The following KCNJ3 variants were observed in gnomAD, a reference collection of about 807,000 sequenced individuals.
The protein encoded by KCNJ3 is potassium inwardly rectifying channel subfamily J member 3.
A neutral mutation model predicts 39.2 loss-of-function variants in KCNJ3; 4 were observed. The ratio of observed to expected loss-of-function variants is 0.10; its 90% CI spans 0.05 to 0.23. The LOEUF (loss-of-function observed/expected upper bound fraction) is 0.23. Ranked by LOEUF, KCNJ3 falls within the 10% of genes least tolerant of loss-of-function variation. The pLI is 1.00. For missense variants in KCNJ3, 276 were observed against 634.9 expected (o/e 0.43, Z 6.08); for synonymous variants, 230 against 237.4 (o/e 0.97, Z 0.29).
chr2:154,846,619 C>CT (rs1335919778), intron 2 of KCNJ3, among the ~76,000 whole-genome samples: 1 of 152,110 alleles, frequency 6.6e-6, no homozygotes, highest in East Asian at 1.9e-4. Context: ...AGCCCATGTT[C>CT]TTTTGCTTAA....
intron 2 of KCNJ3, among the ~76,000 whole-genome samples, chr2:154,724,797 A>G (rs891804929): frequency 7.4e-5 from 11 of 149,262 alleles, no homozygotes; most frequent in Admixed American, 4.0e-4. Flanking sequence ...TGTAATGTTT[A>G]TTTTAATTAT....
intron 2 of KCNJ3, among the ~76,000 whole-genome samples, chr2:154,788,763 G>C (rs1686578044): frequency 6.7e-6 from 1 of 149,926 alleles, no homozygotes; most frequent in Non-Finnish European, 1.5e-5. Context: ...CAGTATGTGA[G>C]TGTGAGTTGT....
chr2:154,734,256 T>A (rs1685487865), intron 2 of KCNJ3, among the ~76,000 whole-genome samples: 1 of 152,198 alleles, frequency 6.6e-6, no homozygotes, highest in Non-Finnish European at 1.5e-5. Context: ...ACGCCTTAGT[T>A]TGTCATAAGC....
At chr2:154,802,353 C>G (rs966170803) in intron 2 of KCNJ3, among the ~76,000 whole-genome samples, 3 of 151,984 alleles carry the variant, frequency 2.0e-5, no homozygotes, top group Non-Finnish European at 4.4e-5. Flanking sequence ...GATTAGGGAT[C>G]TTAATCAGTA....
chr2:154,740,740 T>G (rs899367462), intron 2 of KCNJ3, among the ~76,000 whole-genome samples: 1 of 152,034 alleles, frequency 6.6e-6, no homozygotes, highest in Non-Finnish European at 1.5e-5. Context: ...AAATGACAAT[T>G]CTTGCATAGA....
chr2:154,717,635 A>G (rs1685202805), intron 2 of KCNJ3, among the ~76,000 whole-genome samples: 1 of 152,218 alleles, frequency 6.6e-6, no homozygotes, highest in Admixed American at 6.5e-5. Flanking sequence ...ACCCAAATAC[A>G]TAAAAATGAT....
At chr2:154,776,955 C>G (rs1686346629) in intron 2 of KCNJ3, among the ~76,000 whole-genome samples, 1 of 151,948 alleles carries the variant, frequency 6.6e-6, no homozygotes. Flanking sequence ...TCACACATAC[C>G]AGGCACACTC....
At chr2:154,829,737 C>A (rs1687330485) in intron 2 of KCNJ3, among the ~76,000 whole-genome samples, 1 of 152,134 alleles carries the variant, frequency 6.6e-6, no homozygotes, top group African/African-American at 2.4e-5. Context: ...CTTTGCTCTG[C>A]AACCTCACTA....
At chr2:154,729,304 C>T (rs1263338067) in intron 2 of KCNJ3, among the ~76,000 whole-genome samples, 1 of 152,128 alleles carries the variant, frequency 6.6e-6, no homozygotes, top group Non-Finnish European at 1.5e-5. Context: ...GTTTTGCAAC[C>T]AACTTTGCCA....
At chr2:154,789,967 C>T (rs1445655) in intron 2 of KCNJ3, among the ~76,000 whole-genome samples, 24,676 of 151,890 alleles carry the variant, frequency 0.16, 2,146 homozygotes, top group East Asian at 0.33. Flanking sequence ...ATTTATAATG[C>T]TTGAGGATTT....
At chr2:154,799,083 T>C (rs755866995) in intron 2 of KCNJ3, among the ~76,000 whole-genome samples, 7 of 152,144 alleles carry the variant, frequency 4.6e-5, no homozygotes, top group Non-Finnish European at 1.0e-4. Flanking sequence ...TGTAATTCTA[T>C]GAATTTAGCA....
intron 2 of KCNJ3, among the ~76,000 whole-genome samples, chr2:154,828,113 GA>G (rs1687300491): frequency 6.6e-6 from 1 of 152,086 alleles, no homozygotes; most frequent in Admixed American, 6.5e-5. Flanking sequence ...CTAAGTCTTA[GA>G]AGACATTTAT....
At position 154,857,432 on chromosome 2, in the gene KCNJ3, C is replaced by A. The variant is rs1386651751; in HGVS notation, c.*2119C>A. 3 of 152,094 alleles carry A rather than the reference C, an allele frequency of 2.0e-5. No homozygotes were observed. Among genetic ancestry groups the A allele is most frequent in the Admixed American group, 6.6e-5 (1 of 15,256 alleles). The allele number at this position is 152,094 out of a possible 1,614,324, so 9.4% of individuals were successfully genotyped here. A position where few individuals can be genotyped will look rare whatever the true frequency, so the allele number is the denominator to read the frequency against. Reference sequence around the variant, plus strand: ...CACATTCAACAAAATTTTTGCATGCCTTCTATGTCGTAGGCATTTTTAGTT... The same window carrying A: ...CACATTCAACAAAATTTTTGCATGCATTCTATGTCGTAGGCATTTTTAGTT... On this transcript the variant is annotated 3_prime_UTR_variant, in exon 3 of 3. Coordinates refer to ENST00000295101, the MANE Select transcript of KCNJ3 (RefSeq NM_002239.4).
intron 2 of KCNJ3, among the ~76,000 whole-genome samples, chr2:154,710,306 T>TAA (rs1408730606): frequency 6.6e-6 from 1 of 152,134 alleles, no homozygotes; most frequent in Non-Finnish European, 1.5e-5. Flanking sequence ...CTGTGTGTGC[T>TAA]AAAGCAGCAT....
At chr2:154,729,939 G>A (rs1685422526) in intron 2 of KCNJ3, among the ~76,000 whole-genome samples, 1 of 151,996 alleles carries the variant, frequency 6.6e-6, no homozygotes, top group African/African-American at 2.4e-5. Flanking sequence ...AGGCAGTCAG[G>A]CTGATCCATT....
chr2:154,844,228 GC>G (rs1687628262), intron 2 of KCNJ3, among the ~76,000 whole-genome samples: 1 of 152,322 alleles, frequency 6.6e-6, no homozygotes, highest in South Asian at 2.1e-4. Context: ...GTTGGAGATT[GC>G]TGGAGTTCCA....
rs188288955 is a variant in KCNJ3 at position 154,856,746 on chromosome 2, T to C, written c.*1433T>C. 2.2e-4 allele frequency: 34 copies of C among 152,324 alleles called. No individual in the cohort carries two copies. The highest frequency in any genetic ancestry group is 5.9e-4 in the Admixed American group (9 of 15,300). The allele number at this position is 152,324 out of a possible 1,614,324, so 9.4% of individuals were successfully genotyped here. A position where few individuals can be genotyped will look rare whatever the true frequency, so the allele number is the denominator to read the frequency against. On this transcript the variant is annotated 3_prime_UTR_variant, in exon 3 of 3. Coordinates refer to ENST00000295101, the MANE Select transcript of KCNJ3 (RefSeq NM_002239.4). ...TTCTAATCCTGAAGTCTGATATTTA[T>C]GACTCATTAGCAGGAATCAAAACTA...
intron 2 of KCNJ3, among the ~76,000 whole-genome samples, chr2:154,840,402 A>C (rs763190574): frequency 9.9e-5 from 15 of 152,236 alleles, no homozygotes; most frequent in Non-Finnish European, 1.8e-4. Flanking sequence ...CTTTTGGCTT[A>C]GGATTGACTT....
chr2:154,853,093 A>T (rs1487440188), intron 2 of KCNJ3, among the ~76,000 whole-genome samples: 3 of 151,984 alleles, frequency 2.0e-5, no homozygotes, highest in Admixed American at 1.3e-4. Context: ...CTTATCTTTA[A>T]AATAGATGCA....
Sources: gnomAD v4.1 joint callset for allele counts (sites outside exome capture counted in the v4.1 genomes callset) on GRCh38, gnomAD v4.1.1 for gene constraint, MANE v1.5 for transcripts, NCBI Gene and HGNC (gene_info 2026-07-23, HGNC 2026-07-21) for gene names.